CCDC85A: variants seen among roughly 807,000 people sequenced by gnomAD.
The protein encoded by CCDC85A is coiled-coil domain-containing protein 85A.
In CCDC85A, 38 loss-of-function variants were observed where a neutral mutation model predicts 50.2. The ratio of observed to expected loss-of-function variants is 0.76; its 90% CI spans 0.58 to 0.99. CCDC85A has a LOEUF of 0.99. CCDC85A is among the 50% of genes least tolerant of loss of function. The probability of loss-of-function intolerance (pLI) is 0.00; values close to 1 mark genes in which losing one functional copy is unlikely to be tolerated. For missense variants in CCDC85A, 820 were observed against 742.0 expected (o/e 1.11, Z -1.22); for synonymous variants, 366 against 301.4 (o/e 1.21, Z -2.22).
intron 2 of CCDC85A, among the ~76,000 whole-genome samples, chr2:56,320,132 T>C (rs1245253305): frequency 1.3e-5 from 2 of 152,100 alleles, no homozygotes; most frequent in Admixed American, 6.6e-5. Flanking sequence ...GGGACACATT[T>C]AAAGCAGTGT....
chr2:56,270,490 A>T (rs1161320474), intron 2 of CCDC85A, among the ~76,000 whole-genome samples: 1 of 152,188 alleles, frequency 6.6e-6, no homozygotes, highest in Non-Finnish European at 1.5e-5. Context: ...CTGGATGAAA[A>T]GTAATAGATA....
At chr2:56,197,512 A>G (rs542887099) in intron 2 of CCDC85A, among the ~76,000 whole-genome samples, 1 of 152,322 alleles carries the variant, frequency 6.6e-6, no homozygotes, top group South Asian at 2.1e-4. Flanking sequence ...GCACTCTGAG[A>G]TGCAAATTGA....
intron 2 of CCDC85A, among the ~76,000 whole-genome samples, chr2:56,302,656 A>C (rs375426331): frequency 2.6e-5 from 4 of 152,226 alleles, no homozygotes; most frequent in Non-Finnish European, 5.9e-5. Context: ...CCATCTTTAC[A>C]ATACAAAGTC....
At chr2:56,292,611 C>T (rs940573204) in intron 2 of CCDC85A, among the ~76,000 whole-genome samples, 4 of 152,118 alleles carry the variant, frequency 2.6e-5, no homozygotes, top group African/African-American at 9.7e-5. Flanking sequence ...GTAGGCCTCT[C>T]GTACCTGCCT....
chr2:56,232,150 C>T (rs1263055589), intron 2 of CCDC85A, among the ~76,000 whole-genome samples: 1 of 152,122 alleles, frequency 6.6e-6, no homozygotes, highest in Non-Finnish European at 1.5e-5. Flanking sequence ...ACTTCCAAAT[C>T]TGTACCTATA....
intron 2 of CCDC85A, among the ~76,000 whole-genome samples, chr2:56,326,192 T>G (rs917643879): frequency 5.3e-5 from 8 of 152,116 alleles, no homozygotes; most frequent in African/African-American, 1.9e-4. Context: ...GTCCAGAAAT[T>G]GCAGCCTACG....
chr2:56,227,503 G>A (rs917594013), intron 2 of CCDC85A, among the ~76,000 whole-genome samples: 1 of 152,132 alleles, frequency 6.6e-6, no homozygotes, highest in Admixed American at 6.6e-5. Context: ...TGTTCCAAGC[G>A]GGAATTGGTT....
chr2:56,241,638 C>G (rs1669263346), intron 2 of CCDC85A, among the ~76,000 whole-genome samples: 1 of 152,176 alleles, frequency 6.6e-6, no homozygotes, highest in African/African-American at 2.4e-5. Context: ...CCAATTCCAT[C>G]TGTGTTCTTG....
chr2:56,325,613 G>C (rs1673426907), intron 2 of CCDC85A, among the ~76,000 whole-genome samples: 1 of 152,090 alleles, frequency 6.6e-6, no homozygotes, highest in South Asian at 2.1e-4. Flanking sequence ...CCAGAAGAGA[G>C]AGAATCCAGG....
At chr2:56,215,778 A>G (rs1232486945) in intron 2 of CCDC85A, among the ~76,000 whole-genome samples, 1 of 151,864 alleles carries the variant, frequency 6.6e-6, no homozygotes, top group Non-Finnish European at 1.5e-5. Flanking sequence ...ATTGCTTTAT[A>G]GCTTGGGTCG....
At chr2:56,202,881 C>A (rs1676801454) in intron 2 of CCDC85A, among the ~76,000 whole-genome samples, 1 of 152,104 alleles carries the variant, frequency 6.6e-6, no homozygotes, top group African/African-American at 2.4e-5. Flanking sequence ...AATAATAAGA[C>A]CCTGAAAGGC....
At chr2:56,185,439 T>C (rs994689273) in intron 1 of CCDC85A, among the ~76,000 whole-genome samples, 3 of 152,068 alleles carry the variant, frequency 2.0e-5, no homozygotes, top group Admixed American at 6.5e-5. Context: ...ACCGGGTACA[T>C]AGGAGTTCAA....
chr2:56,332,270 C>G (rs1248574463), intron 2 of CCDC85A, among the ~76,000 whole-genome samples: 1 of 152,166 alleles, frequency 6.6e-6, no homozygotes, highest in East Asian at 1.9e-4. Flanking sequence ...TTCTTGCCAC[C>G]CCTTCATAGT....
intron 2 of CCDC85A, among the ~76,000 whole-genome samples, chr2:56,237,473 C>G (rs954409623): frequency 1.3e-5 from 2 of 152,188 alleles, no homozygotes; most frequent in Non-Finnish European, 2.9e-5. Context: ...TGTTAACAAT[C>G]TTGCTAAGTA....
intron 2 of CCDC85A, among the ~76,000 whole-genome samples, chr2:56,245,686 C>A (rs1453563449): frequency 6.6e-6 from 1 of 152,096 alleles, no homozygotes; most frequent in Non-Finnish European, 1.5e-5. Context: ...TTGAATATGC[C>A]CTTCCCAAAA....
At chr2:56,249,340 C>T (rs1267225168) in intron 2 of CCDC85A, among the ~76,000 whole-genome samples, 1 of 152,236 alleles carries the variant, frequency 6.6e-6, no homozygotes, top group Non-Finnish European at 1.5e-5. Context: ...TCTTTGCTCC[C>T]ATCCCTTGCC....
intron 2 of CCDC85A, among the ~76,000 whole-genome samples, chr2:56,261,069 TG>T (rs1670196973): frequency 6.6e-6 from 1 of 152,234 alleles, no homozygotes; most frequent in Non-Finnish European, 1.5e-5. Flanking sequence ...TCAGGACCCC[TG>T]GGTTTGCATC....
intron 2 of CCDC85A, among the ~76,000 whole-genome samples, chr2:56,209,435 T>C (rs1303495228): frequency 6.6e-6 from 1 of 150,922 alleles, no homozygotes; most frequent in Non-Finnish European, 1.5e-5. Context: ...TTTTTTTTTT[T>C]CTCCTTTTTC....
chr2:56,226,141 C>T (rs1283947272), intron 2 of CCDC85A, among the ~76,000 whole-genome samples: 2 of 152,184 alleles, frequency 1.3e-5, no homozygotes, highest in Non-Finnish European at 2.9e-5. Context: ...GTGGTTAAGA[C>T]TCCAAGCTTT....
Sources: allele counts gnomAD v4.1 joint callset (sites outside exome capture counted in the v4.1 genomes callset), GRCh38; gene constraint gnomAD v4.1.1; transcripts MANE v1.5; gene names NCBI Gene and HGNC (gene_info 2026-07-23, HGNC 2026-07-21).